The following TAFA5 variants were observed in gnomAD, a reference collection of about 807,000 sequenced individuals.
TAFA5 encodes TAFA chemokine like family member 5, also known as chemokine-like protein TAFA-5.
In TAFA5, 6 loss-of-function variants were observed where a neutral mutation model predicts 15.3. That is an observed-to-expected ratio of 0.39 (90% CI 0.21 to 0.77). TAFA5 has a LOEUF of 0.77. Ranked by LOEUF, TAFA5 falls within the 30% of genes least tolerant of loss-of-function variation. The pLI, the probability that TAFA5 is intolerant of heterozygous loss-of-function variation, is 0.41. For missense variants in TAFA5, 161 were observed against 193.1 expected, an observed-to-expected ratio of 0.83 and a Z score of 0.98; for synonymous variants, 103 against 80.7, an observed-to-expected ratio of 1.28 and a Z score of -1.48.
intron 1 of TAFA5, among the ~76,000 whole-genome samples, chr22:48,567,471 A>G (rs1923445219): frequency 6.6e-6 from 1 of 152,218 alleles, no homozygotes; most frequent in Non-Finnish European, 1.5e-5. Context: ...AAAGATAAGA[A>G]TTTCAAAAAG....
At chr22:48,684,944 G>A (rs886629133) in intron 2 of TAFA5, among the ~76,000 whole-genome samples, 12 of 152,214 alleles carry the variant, frequency 7.9e-5, no homozygotes, top group African/African-American at 2.7e-4. Context: ...TTTATTCTCC[G>A]CCAGTGACCA....
intron 2 of TAFA5, among the ~76,000 whole-genome samples, chr22:48,665,971 G>C (rs1281781063): frequency 6.6e-6 from 1 of 152,160 alleles, no homozygotes; most frequent in African/African-American, 2.4e-5. Flanking sequence ...CCTGCATCCA[G>C]CCTAGCCCTG....
In TAFA5 at chr22:48,542,824, G is replaced by T. The variant is rs1191671828; in HGVS notation, c.112+53120G>T. ...AGTGTGTGATGTGTATGGTGTGTGT[G>T]TGTGGTGTGTATGTGTGTGTGATGT... On this transcript the variant is annotated intron_variant, in intron 1 of 3. Transcript: ENST00000402357. Among the ~76,000 whole-genome samples, 5 of 150,318 alleles carry T rather than the reference G, an allele frequency of 3.3e-5. No homozygotes were observed. The East Asian group carries it at 9.8e-4, about 29-fold the overall frequency.
intron 1 of TAFA5, among the ~76,000 whole-genome samples, chr22:48,633,954 C>G (rs1394184155): frequency 2.0e-5 from 3 of 152,176 alleles, no homozygotes; most frequent in Non-Finnish European, 4.4e-5. Context: ...GGCGAGGCCC[C>G]CACGCTTTCC....
At chr22:48,555,326 G>A (rs748169279) in intron 1 of TAFA5, among the ~76,000 whole-genome samples, 11 of 152,298 alleles carry the variant, frequency 7.2e-5, no homozygotes, top group Admixed American at 1.3e-4. Context: ...CCTCCCTTTC[G>A]CTCTCAGAGC....
At chr22:48,576,443 C>T (rs762387102) in intron 1 of TAFA5, 1 of 1,359,026 alleles carries the variant, frequency 7.4e-7, no homozygotes, top group South Asian at 1.8e-5. Flanking sequence ...ACCTTCGCTG[C>T]GCGACTTCGG....
intron 2 of TAFA5, among the ~76,000 whole-genome samples, chr22:48,652,267 G>A (rs900134395): frequency 1.2e-4 from 18 of 152,216 alleles, no homozygotes; most frequent in African/African-American, 4.3e-4. Context: ...CTAAGATGCG[G>A]TGTCTGTGGC....
At chr22:48,597,008 C>T (rs140406584) in intron 1 of TAFA5, among the ~76,000 whole-genome samples, 3 of 152,260 alleles carry the variant, frequency 2.0e-5, no homozygotes, top group East Asian at 1.9e-4. Flanking sequence ...GGTCTCGCTG[C>T]GATGCCCTAG....
At chr22:48,507,237 CAT>C (rs1437510445) in intron 1 of TAFA5, among the ~76,000 whole-genome samples, 92 of 134,644 alleles carry the variant, frequency 6.8e-4, no homozygotes, top group South Asian at 9.7e-4. Context: ...AGGAGACAGT[CAT>C]CAAGGGCCAG....
intron 1 of TAFA5, among the ~76,000 whole-genome samples, chr22:48,625,466 G>A (rs765262410): frequency 9.9e-5 from 15 of 152,200 alleles, no homozygotes; most frequent in South Asian, 6.2e-4. Flanking sequence ...AAGTATCCGC[G>A]TATAGCACTA....
chr22:48,609,158 G>T (rs35679817), intron 1 of TAFA5, among the ~76,000 whole-genome samples: 1 of 152,196 alleles, frequency 6.6e-6, no homozygotes, highest in Non-Finnish European at 1.5e-5. Flanking sequence ...GTGGGCGGTG[G>T]TGTGTTCTGA....
At chr22:48,555,165 G>A (rs372121083) in intron 1 of TAFA5, among the ~76,000 whole-genome samples, 1 of 152,220 alleles carries the variant, frequency 6.6e-6, no homozygotes, top group Non-Finnish European at 1.5e-5. Context: ...GCACACAGGG[G>A]CTCCGTGGAT....
intron 1 of TAFA5, among the ~76,000 whole-genome samples, chr22:48,596,270 T>C (rs960653521): frequency 6.6e-6 from 1 of 152,142 alleles, no homozygotes; most frequent in Non-Finnish European, 1.5e-5. Flanking sequence ...GGACTGAGCG[T>C]TGGTTTCTGT....
chr22:48,656,177 T>C lies in TAFA5; in HGVS notation c.262+9431T>C, dbSNP rs182817634. Among the ~76,000 whole-genome samples, 31 of 152,202 alleles carry C rather than the reference T, an allele frequency of 2.0e-4. 1 individual carries two copies. In the East Asian group the frequency reaches 5.6e-3, roughly 28 times the overall value. ...CTTTTTCAGGGTGTTGCTTGCTCTCTAGAGTCTGCTAGAACCACCCTTGTG... is the reference window on the plus strand; with the variant it reads ...CTTTTTCAGGGTGTTGCTTGCTCTCCAGAGTCTGCTAGAACCACCCTTGTG... On this transcript the variant is annotated intron_variant, in intron 2 of 3. Transcript: ENST00000402357.
intron 1 of TAFA5, among the ~76,000 whole-genome samples, chr22:48,564,880 T>C (rs2147134566): frequency 6.6e-6 from 1 of 152,314 alleles, no homozygotes; most frequent in Admixed American, 6.5e-5. Flanking sequence ...CCACGCACAG[T>C]CTGAGACACC....
At chr22:48,717,942 G>A (rs1269962958) in intron 3 of TAFA5, among the ~76,000 whole-genome samples, 2 of 152,250 alleles carry the variant, frequency 1.3e-5, no homozygotes, top group African/African-American at 2.4e-5. Context: ...GGGCCAGTCT[G>A]CAAGGCCCGG....
intron 3 of TAFA5, among the ~76,000 whole-genome samples, chr22:48,724,319 CAG>C (rs1236449683): frequency 6.6e-6 from 1 of 152,190 alleles, no homozygotes; most frequent in African/African-American, 2.4e-5. Context: ...TCACAGGACA[CAG>C]GGACATGTGA....
chr22:48,716,984 A>G (rs2337493), intron 3 of TAFA5, among the ~76,000 whole-genome samples: 9,530 of 152,318 alleles, frequency 0.063, 362 homozygotes, highest in Admixed American at 0.095. Context: ...CTGAAATAGC[A>G]GAAAATGAAG....
At chr22:48,731,273 C>T (rs1929861629) in intron 3 of TAFA5, among the ~76,000 whole-genome samples, 1 of 152,240 alleles carries the variant, frequency 6.6e-6, no homozygotes, top group South Asian at 2.1e-4. Context: ...AGGAAAGAAG[C>T]TGTCTCCACT....
Sources: gnomAD v4.1 joint callset for allele counts (sites outside exome capture counted in the v4.1 genomes callset) on GRCh38, gnomAD v4.1.1 for gene constraint, MANE v1.5 for transcripts, NCBI Gene and HGNC (gene_info 2026-07-23, HGNC 2026-07-21) for gene names.